Variants in ZNF44 observed in about 807,000 individuals in gnomAD.
The protein encoded by ZNF44 is gonadotropin inducible transcription repressor-2.
Under a neutral mutation model 11.7 loss-of-function variants are expected in ZNF44, and 9 were observed. The ratio of observed to expected loss-of-function variants is 0.77; its 90% CI spans 0.46 to 1.35. The LOEUF is 1.35. Among genes scored for constraint, ZNF44 ranks in the 40% most tolerant of loss-of-function variants. The pLI is 0.00. For synonymous variants in ZNF44, 224 were observed against 242.7 expected (o/e 0.92, Z 0.72); for missense variants, 696 against 743.1 (o/e 0.94, Z 0.74).
At chr19:12,226,746 T>G (rs1489865218) in intron 3 of ZNF44, among the ~76,000 whole-genome samples, 1 of 152,132 alleles carries the variant, frequency 6.6e-6, no homozygotes, top group African/African-American at 2.4e-5. Context: ...AACAAAGAAT[T>G]AGCAATATTT....
At chr19:12,284,921 A>T in intron 1 of ZNF44, 1 of 717,744 alleles carries the variant, frequency 1.4e-6, no homozygotes, top group Non-Finnish European at 2.5e-6. Flanking sequence ...GCATCGTCTC[A>T]GCGCCTGTGC....
chr19:12,265,640 G>T lies in ZNF44; in HGVS notation c.1912+6847C>A, dbSNP rs542917322. 3.9e-5 allele frequency among the ~76,000 whole-genome samples: 6 copies of T among 152,244 alleles called. No individual in the cohort carries two copies. In the South Asian group the frequency reaches 8.3e-4, roughly 21 times the overall value. On this transcript the variant is annotated intron_variant and NMD_transcript_variant, in intron 5 of 7. Coordinates refer to the ZNF44 transcript ENST00000393337. ...AATTTCCAAAGAGGATCCTCAACAC[G>T]TAAGATGTCTGTGCCAAGGAAAGAT...
At chr19:12,229,615 ATAT>A (rs1311793789) in intron 3 of ZNF44, among the ~76,000 whole-genome samples, 1 of 138,068 alleles carries the variant, frequency 7.2e-6, no homozygotes, top group Non-Finnish European at 1.5e-5. Flanking sequence ...AGGAAGAAAG[ATAT>A]TTTTTTTTTT....
exon 8 of ZNF44, chr19:12,247,876 T>G: frequency 1.5e-6 from 2 of 1,317,328 alleles, no homozygotes; most frequent in South Asian, 1.2e-5. Context: ...TTCTGTGCAG[T>G]GTGATTCCTC....
intron 5 of ZNF44, among the ~76,000 whole-genome samples, chr19:12,252,963 C>T (rs1036777450): frequency 7.2e-6 from 1 of 139,422 alleles, no homozygotes; most frequent in African/African-American, 2.7e-5. Flanking sequence ...TCTTGGCTCA[C>T]TGCAACCTCC....
chr19:12,280,601 AT>A (rs1388868408), intron 1 of ZNF44, among the ~76,000 whole-genome samples: 2 of 152,186 alleles, frequency 1.3e-5, no homozygotes, highest in African/African-American at 4.8e-5. Flanking sequence ...TCTGAATCCA[AT>A]TATGCCAACT....
At chr19:12,247,748 A>T in exon 8 of ZNF44, 1 of 1,323,088 alleles carries the variant, frequency 7.6e-7, no homozygotes, top group Non-Finnish European at 1.0e-6. Flanking sequence ...AGTAGTATCT[A>T]AATGCTTTTC....
In ZNF44 at chr19:12,260,131, C is replaced by T. The variant is rs1047902815; in HGVS notation, c.1913-9763G>A. On this transcript the variant is annotated intron_variant and NMD_transcript_variant, in intron 5 of 7. Transcript: ENST00000393337. Reference sequence around the variant, plus strand: ...CTGCGAGAGGAGCCGCCACCATGTCCGCGCATCTGCAATGGATGGTCGTGC... The same window carrying T: ...CTGCGAGAGGAGCCGCCACCATGTCTGCGCATCTGCAATGGATGGTCGTGC... 4 of 721,870 alleles carry T rather than the reference C, an allele frequency of 5.5e-6. 1 individual carries two copies. The highest frequency in any genetic ancestry group is 1.7e-5 in the African/African-American group (1 of 58,060). The allele number at this position is 721,870 out of a possible 1,614,324, so 44.7% of individuals were successfully genotyped here.
chr19:12,250,676 A>G (rs1477093929), intron 5 of ZNF44: 1 of 424,106 alleles, frequency 2.4e-6, no homozygotes, highest in Non-Finnish European at 4.7e-6. Context: ...ATTCTTTGTG[A>G]GAAAAACTCA....
downstream of ZNF44, chr19:12,247,331 G>T (rs1056359841): frequency 2.1e-5 from 27 of 1,286,318 alleles, no homozygotes; most frequent in Non-Finnish European, 2.5e-5. Context: ...GCCAAATGAA[G>T]GCGTTGCCAC....
chr19:12,235,982 T>C (rs1044445683), intron 1 of ZNF44, among the ~76,000 whole-genome samples: 2 of 152,244 alleles, frequency 1.3e-5, no homozygotes, highest in Non-Finnish European at 2.9e-5. Context: ...CCGAGTTTCA[T>C]GCACTTACTC....
downstream of ZNF44, among the ~76,000 whole-genome samples, chr19:12,271,040 A>G (rs1490170058): frequency 7.2e-6 from 1 of 138,144 alleles, no homozygotes; most frequent in Non-Finnish European, 1.5e-5. Context: ...TCTACAAGTG[A>G]TGATGATGAT....
intron 3 of ZNF44, 92 bp downstream of exon 3, chr19:12,274,881 G>T: frequency 2.3e-6 from 2 of 864,574 alleles, no homozygotes; most frequent in Non-Finnish European, 3.5e-6. Context: ...TTTAAGCTGG[G>T]CTTGTTCATA....
Position 12,294,635 on chromosome 19 carries a change from G to A in ZNF44, c.3+57C>T. ...CCCGGGTCCCGCCACAGCCGGTTCC[G>A]ACTGGTTCCGACCAGCCCTTCGCCC... is the stretch of plus-strand genomic sequence containing the variant. On this transcript the variant is annotated intron_variant, in intron 1 of 3. Transcript: ENST00000355684. The A allele has an allele frequency of 2.6e-6, 4 of 1,545,994 alleles. No homozygotes were observed. The South Asian group carries it at 4.8e-5, about 18-fold the overall frequency.
At chr19:12,280,236 T>C (rs1226256623) in intron 1 of ZNF44, among the ~76,000 whole-genome samples, 3 of 151,936 alleles carry the variant, frequency 2.0e-5, no homozygotes, top group Admixed American at 6.6e-5. Context: ...AAAATAATAA[T>C]ATCAACAATG....
At chr19:12,252,511 A>G (rs1181457692) in intron 5 of ZNF44, among the ~76,000 whole-genome samples, 1 of 152,228 alleles carries the variant, frequency 6.6e-6, no homozygotes, top group East Asian at 1.9e-4. Context: ...CTCATCCTTG[A>G]TTAATGTGAC....
At chr19:12,294,456 CGCCGGG>C (rs930597900) in intron 1 of ZNF44, among the ~76,000 whole-genome samples, 3 of 152,230 alleles carry the variant, frequency 2.0e-5, no homozygotes, top group African/African-American at 4.8e-5. Flanking sequence ...CAGAGAGGGG[CGCCGGG>C]GCCGGGGCCG....
chr19:12,263,846 AC>A (rs1156801058), intron 5 of ZNF44, among the ~76,000 whole-genome samples: 1 of 150,408 alleles, frequency 6.6e-6, no homozygotes, highest in Non-Finnish European at 1.5e-5. Context: ...AATGGCGTAA[AC>A]CCAGGAGGCA....
intron 5 of ZNF44, among the ~76,000 whole-genome samples, chr19:12,257,994 A>G (rs1461936074): frequency 1.3e-5 from 2 of 150,456 alleles, no homozygotes; most frequent in African/African-American, 4.9e-5. Context: ...AAAAACAAAC[A>G]AAAAAAACAG....
Sources: allele counts gnomAD v4.1 joint callset (sites outside exome capture counted in the v4.1 genomes callset), GRCh38; gene constraint gnomAD v4.1.1; transcripts MANE v1.5; gene names NCBI Gene and HGNC (gene_info 2026-07-23, HGNC 2026-07-21).